ARHGAP18: variants seen among roughly 807,000 people sequenced by gnomAD.
The protein encoded by ARHGAP18 is rho GTPase-activating protein 18.
In ARHGAP18, 67 loss-of-function variants were observed where a neutral mutation model predicts 86.2. That is an observed-to-expected ratio of 0.78 (90% CI 0.64 to 0.95). ARHGAP18 has a LOEUF of 0.95. Ranked by LOEUF, ARHGAP18 falls within the 40% of genes least tolerant of loss-of-function variation. ARHGAP18 has a pLI of 0.00. For synonymous variants in ARHGAP18, 283 were observed against 280.4 expected, an observed-to-expected ratio of 1.01 and a Z score of -0.09; for missense variants, 691 against 780.4, an observed-to-expected ratio of 0.89 and a Z score of 1.37.
intron 1 of ARHGAP18, among the ~76,000 whole-genome samples, chr6:129,684,743 A>G (rs1262487038): frequency 6.6e-6 from 1 of 152,220 alleles, no homozygotes; most frequent in Non-Finnish European, 1.5e-5. Flanking sequence ...TATAATCAGA[A>G]GTACACAGAT....
At chr6:129,695,797 C>T (rs1446953967) in intron 1 of ARHGAP18, among the ~76,000 whole-genome samples, 4 of 149,452 alleles carry the variant, frequency 2.7e-5, no homozygotes, top group East Asian at 4.0e-4. Context: ...GAAATATAAA[C>T]GTGTTCTTAT....
chr6:129,635,490 G>A (rs1272268978), intron 3 of ARHGAP18, among the ~76,000 whole-genome samples: 2 of 152,234 alleles, frequency 1.3e-5, no homozygotes, highest in East Asian at 3.8e-4. Flanking sequence ...CAAGCCGGCA[G>A]AGGCTGGCCC....
At chr6:129,618,224 T>C (rs551888306) in intron 6 of ARHGAP18, among the ~76,000 whole-genome samples, 16 of 151,930 alleles carry the variant, frequency 1.1e-4, no homozygotes, top group African/African-American at 3.6e-4. Context: ...GCAAAATAGG[T>C]AAAATTAGAA....
At chr6:129,659,044 A>T (rs1190526548) in intron 1 of ARHGAP18, among the ~76,000 whole-genome samples, 2 of 152,252 alleles carry the variant, frequency 1.3e-5, no homozygotes, top group Non-Finnish European at 2.9e-5. Context: ...CCCACGCAAT[A>T]TACACCAAAT....
chr6:129,645,254 G>A (rs1297907663), intron 1 of ARHGAP18, among the ~76,000 whole-genome samples: 4 of 152,120 alleles, frequency 2.6e-5, no homozygotes, highest in Non-Finnish European at 5.9e-5. Flanking sequence ...CAGACAGGCA[G>A]TGACTAAAAG....
intron 12 of ARHGAP18, among the ~76,000 whole-genome samples, chr6:129,596,089 C>A (rs1287767167): frequency 1.3e-5 from 2 of 152,150 alleles, no homozygotes; most frequent in East Asian, 3.9e-4. Flanking sequence ...ATTCTCAACA[C>A]AACAGCCTAA....
chr6:129,601,874 C>A (rs1788753854), intron 10 of ARHGAP18, among the ~76,000 whole-genome samples: 1 of 151,716 alleles, frequency 6.6e-6, no homozygotes, highest in Non-Finnish European at 1.5e-5. Context: ...GAAACACTTC[C>A]ACCTCATCCT....
rs1334345945 is a variant in ARHGAP18 at position 129,611,608 on chromosome 6, C to T, written c.1047G>A (p.Leu349=). The change falls in exon 8 of 15, where the codon CTG becomes CTA. Residue 349 remains leucine, a splice_region_variant and synonymous_variant. Coordinates refer to ENST00000368149, the MANE Select transcript of ARHGAP18 (RefSeq NM_033515.3). The part of the protein sequence containing the change: ...GMRIPLIFQK[L]ISRIEERGLE... Reference sequence around the variant, plus strand: ...AACCTCTCTCTTCAATTCGAGAAATCAGCTGTGCATAAACAGAGAAACATT... The same window carrying T: ...AACCTCTCTCTTCAATTCGAGAAATTAGCTGTGCATAAACAGAGAAACATT... The T allele has an allele frequency of 6.2e-7, 1 of 1,613,270 alleles. No individual in the cohort carries two copies.
chr6:129,626,006 A>AAT (rs1409412218), intron 5 of ARHGAP18, among the ~76,000 whole-genome samples: 3 of 118,566 alleles, frequency 2.5e-5, no homozygotes, highest in African/African-American at 6.4e-5. Context: ...ATATATATCA[A>AAT]ATATATATAT....
At chr6:129,608,085 A>AG in intron 8 of ARHGAP18, 33 bp from the exon 9 acceptor site, 1 of 1,506,890 alleles carries the variant, frequency 6.6e-7, no homozygotes, top group Non-Finnish European at 8.8e-7. Flanking sequence ...AAAAAAAAAA[A>AG]AGAAGCAGCT....
intron 10 of ARHGAP18, among the ~76,000 whole-genome samples, chr6:129,601,472 GAA>G (rs1270346593): frequency 1.4e-5 from 2 of 146,912 alleles, no homozygotes; most frequent in Non-Finnish European, 3.0e-5. Flanking sequence ...CTCAAAAAAG[GAA>G]AAGAGAAGAG....
At chr6:129,637,302 C>T (rs1307152790) in intron 3 of ARHGAP18, among the ~76,000 whole-genome samples, 1 of 152,116 alleles carries the variant, frequency 6.6e-6, no homozygotes, top group African/African-American at 2.4e-5. Flanking sequence ...CCAGTCTCAG[C>T]CTCCCAAAGT....
intron 1 of ARHGAP18, among the ~76,000 whole-genome samples, chr6:129,660,275 G>T (rs747671231): frequency 1.6e-4 from 25 of 152,230 alleles, no homozygotes; most frequent in Admixed American, 9.2e-4. Context: ...AGATGCTGTG[G>T]CGTAAACAGA....
chr6:129,596,988 C>A (rs1159272075), intron 12 of ARHGAP18: 1 of 152,144 alleles, frequency 6.6e-6, no homozygotes, highest in East Asian at 1.9e-4. Context: ...CAGTTGGAAG[C>A]AACATGCAAA....
intron 12 of ARHGAP18, among the ~76,000 whole-genome samples, chr6:129,589,958 G>C (rs771819875): frequency 6.6e-6 from 1 of 152,166 alleles, no homozygotes; most frequent in South Asian, 2.1e-4. Flanking sequence ...AAACATTGAA[G>C]AACTTGGAGT....
chr6:129,676,915 C>CTTTTTTTTTTTTTTTTTTTTTT (rs10688716), intron 1 of ARHGAP18, among the ~76,000 whole-genome samples: 4 of 37,960 alleles, frequency 1.1e-4, no homozygotes, highest in South Asian at 1.2e-3. Context: ...TTTTTGTCCT[C>CTTTTTTTTTTTTTTTTTTTTTT]TTTTTTTTTT....
intron 1 of ARHGAP18, among the ~76,000 whole-genome samples, chr6:129,658,101 C>G (rs1773876875): frequency 6.6e-6 from 1 of 152,220 alleles, no homozygotes; most frequent in Non-Finnish European, 1.5e-5. Context: ...TTCAGGTCTA[C>G]TGTTCACCGT....
In ARHGAP18 at chr6:129,624,949, A is replaced by AAT. The variant is rs537328208; in HGVS notation, c.786+4402_786+4403dup. ...GACAAGAGTGAAACTCCATTTCAAA[A>AAT]ATATATATATATATGATATATATTT... On this transcript the variant is annotated intron_variant, in intron 5 of 14. Coordinates refer to ENST00000368149, the MANE Select transcript of ARHGAP18 (RefSeq NM_033515.3). Among the ~76,000 whole-genome samples, 271 of 128,292 alleles carry AAT rather than the reference A, an allele frequency of 2.1e-3. 3 individuals are homozygous for AAT. Among genetic ancestry groups the AAT allele is most frequent in the Middle Eastern group, 3.8e-3 (1 of 266 alleles). The allele number at this position is 128,292 out of a possible 152,430, so 84.2% of individuals were successfully genotyped here. A position where few individuals can be genotyped will look rare whatever the true frequency, so the allele number is the denominator to read the frequency against.
chr6:129,660,306 C>T (rs2114518303), intron 1 of ARHGAP18, among the ~76,000 whole-genome samples: 1 of 152,284 alleles, frequency 6.6e-6, no homozygotes, highest in East Asian at 1.9e-4. Flanking sequence ...ATGATAAGGT[C>T]CTGAATCCAA....
Sources: allele counts gnomAD v4.1 joint callset (sites outside exome capture counted in the v4.1 genomes callset), GRCh38; gene constraint gnomAD v4.1.1; transcripts MANE v1.5; gene names NCBI Gene and HGNC (gene_info 2026-07-23, HGNC 2026-07-21).